Variants in MTUS2 observed in about 807,000 individuals in gnomAD.
MTUS2 encodes the protein microtubule-associated tumor suppressor candidate 2.
In MTUS2, 40 loss-of-function variants were observed where a neutral mutation model predicts 114.1. The observed-to-expected ratio is 0.35, with a 90% confidence interval of 0.27 to 0.46. The LOEUF (loss-of-function observed/expected upper bound fraction) is 0.46, where lower values mean the gene tolerates loss of function less well. Among genes scored for constraint, MTUS2 ranks in the 20% least tolerant of loss-of-function variants. MTUS2 has a pLI of 1.00. For synonymous variants in MTUS2, 688 were observed against 672.0 expected (o/e 1.02, Z -0.37); for missense variants, 1,679 against 1,705.4 (o/e 0.98, Z 0.27).
chr13:29,047,995 T>G (rs934882749), intron 4 of MTUS2, among the ~76,000 whole-genome samples: 1 of 152,254 alleles, frequency 6.6e-6, no homozygotes, highest in African/African-American at 2.4e-5. Context: ...TTATTTCTTT[T>G]GATGGCTGAA....
chr13:29,416,222 C>G (rs920635489), intron 8 of MTUS2, among the ~76,000 whole-genome samples: 1 of 151,788 alleles, frequency 6.6e-6, no homozygotes, highest in South Asian at 2.1e-4. Flanking sequence ...AGCCACCATG[C>G]CTGGCCACCA....
chr13:29,096,794 A>C (rs1466717650), intron 4 of MTUS2, among the ~76,000 whole-genome samples: 2 of 152,162 alleles, frequency 1.3e-5, no homozygotes, highest in African/African-American at 2.4e-5. Context: ...CTGGTTTATA[A>C]GCGAGGTGCG....
intron 5 of MTUS2, among the ~76,000 whole-genome samples, chr13:29,280,802 G>C (rs1898236990): frequency 6.6e-6 from 1 of 152,148 alleles, no homozygotes; most frequent in Non-Finnish European, 1.5e-5. Flanking sequence ...GCTGTACTCA[G>C]AAGTATATTA....
chr13:29,362,664 G>C (rs1034538339), intron 8 of MTUS2, among the ~76,000 whole-genome samples: 1 of 152,176 alleles, frequency 6.6e-6, no homozygotes, highest in Non-Finnish European at 1.5e-5. Flanking sequence ...TCCAGCCTTG[G>C]TGACAGAGGG....
At chr13:29,413,539 T>G (rs903272652) in intron 8 of MTUS2, among the ~76,000 whole-genome samples, 3 of 106,986 alleles carry the variant, frequency 2.8e-5, no homozygotes, top group African/African-American at 1.1e-4. Context: ...GGGAGAAAAT[T>G]TTCGCAACCT....
intron 2 of MTUS2, among the ~76,000 whole-genome samples, chr13:28,895,392 A>G (rs1477702844): frequency 6.6e-6 from 1 of 152,242 alleles, no homozygotes; most frequent in Non-Finnish European, 1.5e-5. Flanking sequence ...TTTAGGATGT[A>G]GAAAACTATT....
At chr13:29,190,938 A>G (rs530395488) in intron 5 of MTUS2, among the ~76,000 whole-genome samples, 30 of 152,268 alleles carry the variant, frequency 2.0e-4, no homozygotes, top group Non-Finnish European at 2.9e-5. Flanking sequence ...CCCTGAGAAG[A>G]TGCCATACTC....
rs1417776911 is a variant in MTUS2, at chr13:28,914,669, A to G, written c.-243+74819A>G. On this transcript the variant is annotated intron_variant, in intron 2 of 15. Transcript: ENST00000612955. The stretch of plus-strand genomic sequence containing the variant: ...TAATTTTCTGTCTCGATGATCTAAT[A>G]TTTTCAGTTGGGTGTTAAAGTTTCC... Among the ~76,000 whole-genome samples the G allele has an allele frequency of 4.0e-5, 6 of 151,716 alleles. No individual in the cohort carries two copies. The South Asian group carries it at 1.2e-3, about 32-fold the overall frequency.
intron 6 of MTUS2, among the ~76,000 whole-genome samples, chr13:29,302,184 T>G (rs1428683902): frequency 6.6e-6 from 1 of 152,148 alleles, no homozygotes; most frequent in Non-Finnish European, 1.5e-5. Context: ...TGGGACTGAC[T>G]AGGCAAACAA....
intron 5 of MTUS2, among the ~76,000 whole-genome samples, chr13:29,203,842 C>G (rs1435906732): frequency 6.6e-6 from 1 of 152,190 alleles, no homozygotes; most frequent in Non-Finnish European, 1.5e-5. Context: ...TCTCACCCCC[C>G]ATGGGCTGCA....
chr13:28,929,787 G>T (rs1433157049), intron 2 of MTUS2, among the ~76,000 whole-genome samples: 3 of 152,234 alleles, frequency 2.0e-5, no homozygotes, highest in African/African-American at 7.2e-5. Flanking sequence ...TACCTTGGTG[G>T]TCCTGGCAGT....
At chr13:29,215,520 C>A (rs1895645118) in intron 5 of MTUS2, among the ~76,000 whole-genome samples, 1 of 137,470 alleles carries the variant, frequency 7.3e-6, no homozygotes, top group Non-Finnish European at 1.5e-5. Context: ...ATTTATCTAC[C>A]TTTGATCTTT....
intron 5 of MTUS2, among the ~76,000 whole-genome samples, chr13:29,177,388 AATAATT>A (rs1453472266): frequency 2.0e-5 from 3 of 150,830 alleles, no homozygotes; most frequent in Admixed American, 6.6e-5. Flanking sequence ...ACATAATAAT[AATAATT>A]ATTTAAAGAA....
intron 1 of MTUS2, among the ~76,000 whole-genome samples, chr13:28,824,021 A>G (rs1358534200): frequency 6.6e-6 from 1 of 152,174 alleles, no homozygotes; most frequent in East Asian, 1.9e-4. Context: ...CATGGGGATT[A>G]TGGGAATTAT....
At chr13:28,933,562 A>G (rs1881735532) in intron 2 of MTUS2, among the ~76,000 whole-genome samples, 1 of 152,214 alleles carries the variant, frequency 6.6e-6, no homozygotes, top group Non-Finnish European at 1.5e-5. Context: ...GTTGACACTT[A>G]AAATTAACCA....
At chr13:28,971,717 C>A (rs1883865136) in intron 2 of MTUS2, among the ~76,000 whole-genome samples, 1 of 152,234 alleles carries the variant, frequency 6.6e-6, no homozygotes, top group Non-Finnish European at 1.5e-5. Context: ...TTCCCACACA[C>A]TTGAGCTCGT....
rs1260065264 is a variant in MTUS2, at chr13:29,019,281, GCGGGATCACATCCTTTTGGCAC to G, written c.-242-5171_-242-5150del. Among the ~76,000 whole-genome samples the G allele has an allele frequency of 2.6e-5, 4 of 152,244 alleles. No homozygotes were observed. The East Asian group carries it at 7.7e-4, about 29-fold the overall frequency. On this transcript the variant is annotated intron_variant, in intron 2 of 15. Coordinates refer to ENST00000612955, the MANE Select transcript of MTUS2 (RefSeq NM_001033602.4). The stretch of plus-strand genomic sequence containing the variant: ...ATCAGATGAGCATTGTGGAAGCATT[GCGGGATCACATCCTTTTGGCAC>G]CGGGGGCTGCTGTTTTGTCCCCTGC...
chr13:29,312,031 C>T (rs756455628), intron 6 of MTUS2, among the ~76,000 whole-genome samples: 15 of 152,182 alleles, frequency 9.9e-5, no homozygotes, highest in African/African-American at 1.7e-4. Context: ...TACCTTTGCA[C>T]GTGATCACTG....
chr13:28,991,081 A>G (rs2138336913), intron 2 of MTUS2, among the ~76,000 whole-genome samples: 1 of 152,326 alleles, frequency 6.6e-6, no homozygotes, highest in East Asian at 1.9e-4. Flanking sequence ...TCACATTCGC[A>G]TATTTACAAG....
Sources: allele counts gnomAD v4.1 joint callset (sites outside exome capture counted in the v4.1 genomes callset), GRCh38; gene constraint gnomAD v4.1.1; transcripts MANE v1.5; gene names NCBI Gene and HGNC (gene_info 2026-07-23, HGNC 2026-07-21).